Variants in TRIOBP observed in about 807,000 individuals in gnomAD.
TRIOBP encodes TRIO and F-actin-binding protein.
Under a neutral mutation model 238.8 loss-of-function variants are expected in TRIOBP, and 169 were observed. The ratio of observed to expected loss-of-function variants is 0.71; its 90% CI spans 0.62 to 0.80. The LOEUF (loss-of-function observed/expected upper bound fraction) is 0.80, where lower values mean the gene tolerates loss of function less well. Among genes scored for constraint, TRIOBP ranks in the 30% least tolerant of loss-of-function variants. TRIOBP has a pLI of 0.00. For synonymous variants in TRIOBP, 1,150 were observed against 1,274.4 expected (o/e 0.90, Z 2.08); for missense variants, 2,838 against 3,122.6 (o/e 0.91, Z 2.17).
At chr22:37,716,726 T>G (rs1601625492) in intron 6 of TRIOBP, among the ~76,000 whole-genome samples, 1 of 152,200 alleles carries the variant, frequency 6.6e-6, no homozygotes, top group East Asian at 1.9e-4. Context: ...CTCTAAATAG[T>G]AGGGAGCCAC....
Position 37,776,138 on chromosome 22 carries a change from C to G in TRIOBP, c.*2358C>G, listed in dbSNP as rs1207030174. ...CTGGGTTGCAGGAACATCCTCTTCACCAACCCCCCTCCCATCCCTCCTCAG... is the reference window on the plus strand; with the variant it reads ...CTGGGTTGCAGGAACATCCTCTTCAGCAACCCCCCTCCCATCCCTCCTCAG... On this transcript the variant is annotated 3_prime_UTR_variant, in exon 24 of 24. Coordinates refer to ENST00000644935, the MANE Select transcript of TRIOBP (RefSeq NM_001039141.3). 6.6e-6 allele frequency: 1 copy of G among 152,366 alleles called. No homozygotes were observed. The highest frequency in any genetic ancestry group is 1.5e-5 in the Non-Finnish European group (1 of 68,118). The allele number at this position is 152,366 out of a possible 1,614,324, so 9.4% of individuals were successfully genotyped here.
In TRIOBP at chr22:37,734,533, A is replaced by C. The variant is rs754583599; in HGVS notation, c.4197A>C (p.Ser1399=). The C allele has an allele frequency of 6.2e-7, 1 of 1,601,712 alleles. No individual in the cohort carries two copies. Among genetic ancestry groups the C allele is most frequent in the Non-Finnish European group, 8.5e-7 (1 of 1,174,758 alleles). The change falls in exon 9 of 24, where the codon TCA becomes TCC. Residue 1399 remains serine (S), a synonymous_variant. Coordinates refer to ENST00000644935, the MANE Select transcript of TRIOBP (RefSeq NM_001039141.3). The part of the protein sequence containing the change: ...LQGSPLPPRT[S]ARTPERELRT... ...GGTCCCCGCTGCCCCCCAGGACATC[A>C]GCCAGGACCCCTGAGAGGGAGCTGC... is the stretch of plus-strand genomic sequence containing the variant.
At chr22:37,716,415 G>GTTATTA (rs201450875) in intron 6 of TRIOBP, among the ~76,000 whole-genome samples, 1 of 151,440 alleles carries the variant, frequency 6.6e-6, no homozygotes, top group East Asian at 1.9e-4. Context: ...CGCCTAGCCT[G>GTTATTA]TTATTATTAT....
At position 37,774,902 on chromosome 22, in the gene TRIOBP, C is replaced by G. The variant is rs1485510239; in HGVS notation, c.*1122C>G. On this transcript the variant is annotated 3_prime_UTR_variant, in exon 24 of 24. Coordinates refer to ENST00000644935, the MANE Select transcript of TRIOBP (RefSeq NM_001039141.3). ...ACCATGACCTTGGGCAAGTCACACC[C>G]CTCACTGAGCCTCAGTTTGCTTCTC... The G allele has an allele frequency of 6.6e-6, 1 of 152,310 alleles. No individual in the cohort carries two copies. Among genetic ancestry groups the G allele is most frequent in the African/African-American group, 2.4e-5 (1 of 41,450 alleles). 9.4% of individuals were successfully genotyped at this position (152,310 alleles called of 1,614,324 possible).
At chr22:37,703,649 CA>C (rs201647864) in intron 3 of TRIOBP, among the ~76,000 whole-genome samples, 1,649 of 151,786 alleles carry the variant, frequency 0.011, 34 homozygotes, top group African/African-American at 0.038. Flanking sequence ...GGACAACAGG[CA>C]CCCGGCACCA....
Position 37,734,875 on chromosome 22 carries a change from G to T in TRIOBP, c.4539G>T (p.Thr1513=), listed in dbSNP as rs758734711. Residue 1513 remains threonine (T), a synonymous_variant, in exon 9 of 24, where the codon ACG becomes ACT. Coordinates refer to ENST00000644935, the MANE Select transcript of TRIOBP (RefSeq NM_001039141.3). The part of the protein sequence containing the change: ...PRELGKRSPL[T]SPPENWGGPA... ...AACTAGGAAAGAGAAGCCCACTCAC[G>T]AGCCCCCCTGAGAACTGGGGAGGCC... is the stretch of plus-strand genomic sequence containing the variant. The T allele has an allele frequency of 1.2e-6, 2 of 1,613,066 alleles. No individual in the cohort carries two copies. Among genetic ancestry groups the T allele is most frequent in the East Asian group, 4.5e-5 (2 of 44,884 alleles).
chr22:37,733,981 G>A (rs368604943), intron 8 of TRIOBP, among the ~76,000 whole-genome samples: 1 of 152,200 alleles, frequency 6.6e-6, no homozygotes, highest in African/African-American at 2.4e-5. Flanking sequence ...CTGCTGTCTT[G>A]AGCAGATTTC....
At chr22:37,767,312 A>AAG (rs1926553142) in intron 18 of TRIOBP, among the ~76,000 whole-genome samples, 1 of 150,370 alleles carries the variant, frequency 6.7e-6, no homozygotes, top group South Asian at 2.1e-4. Flanking sequence ...CTCAAAAAAA[A>AAG]AAAGAAAGAA....
In TRIOBP at chr22:37,754,986, T is replaced by A; in HGVS notation, c.5487+2T>A. On this transcript the variant is annotated splice_donor_variant, in intron 13 of 23. Coordinates refer to ENST00000644935, the MANE Select transcript of TRIOBP (RefSeq NM_001039141.3). LOFTEE classifies it high-confidence loss of function. Reference sequence around the variant, plus strand: ...TACAGAGACTCCACTGCTGAGGAGGTGAGGCCATGGGTGTACTGATGAACC... The same window carrying A: ...TACAGAGACTCCACTGCTGAGGAGGAGAGGCCATGGGTGTACTGATGAACC... The A allele has an allele frequency of 6.2e-7, 1 of 1,613,846 alleles. No homozygotes were observed. The highest frequency in any genetic ancestry group is 8.5e-7 in the Non-Finnish European group (1 of 1,179,894).
chr22:37,757,479 CG>C (rs1925989618), intron 15 of TRIOBP, 133 bp from the exon 16 acceptor site: 1 of 1,231,626 alleles, frequency 8.1e-7, no homozygotes, highest in Non-Finnish European at 1.1e-6. Flanking sequence ...AAGCTCAGGT[CG>C]GGCTGCTTCC....
In TRIOBP at chr22:37,746,452, G is replaced by T. The variant is rs1925276118; in HGVS notation, c.5323-5320G>T. ...GCCCCAGTCAGCCGCCCGCGCCCGA[G>T]GCCGGGAGAAGGGCGACGACCCGAG... is the stretch of plus-strand genomic sequence containing the variant. On this transcript the variant is annotated intron_variant, in intron 11 of 23. Coordinates refer to ENST00000644935, the MANE Select transcript of TRIOBP (RefSeq NM_001039141.3). 6.3e-6 allele frequency: 9 copies of T among 1,420,156 alleles called. No homozygotes were observed. In the East Asian group the frequency reaches 9.2e-5, roughly 14 times the overall value. The allele number at this position is 1,420,156 out of a possible 1,614,324, so 88.0% of individuals were successfully genotyped here.
In TRIOBP at chr22:37,742,654, G is replaced by A. The variant is rs541525788; in HGVS notation, c.5322+1622G>A. 3.9e-5 allele frequency among the ~76,000 whole-genome samples: 6 copies of A among 152,270 alleles called. No homozygotes were observed. In the East Asian group the frequency reaches 1.2e-3, roughly 29 times the overall value. On this transcript the variant is annotated intron_variant, in intron 11 of 23. Transcript: ENST00000644935. ...GAGTAGTGTGGTACCTTTAAGCCAT[G>A]GGCAGGAATTACCTTGTCTAACTAA...
Position 37,725,064 on chromosome 22 carries a change from C to G in TRIOBP, c.2508C>G (p.Thr836=). The change falls in exon 7 of 24, where the codon ACC becomes ACG. Residue 836 remains threonine (T), a synonymous_variant. Coordinates refer to ENST00000644935, the MANE Select transcript of TRIOBP (RefSeq NM_001039141.3). The part of the protein sequence containing the change: ...SSSTQQDNPK[T]SCTKRDNLRP... The stretch of plus-strand genomic sequence containing the variant: ...CTACCCAACAAGACAACCCTAAAAC[C>G]TCTTGTACCAAACGAGATAACCTCA... 1.2e-6 allele frequency: 2 copies of G among 1,614,210 alleles called. No individual in the cohort carries two copies. Among genetic ancestry groups the G allele is most frequent in the Non-Finnish European group, 1.7e-6 (2 of 1,180,040 alleles).
intron 15 of TRIOBP, among the ~76,000 whole-genome samples, chr22:37,757,400 G>A (rs1251198882): frequency 7.2e-5 from 11 of 152,088 alleles, no homozygotes; most frequent in Non-Finnish European, 1.2e-4. Context: ...GAGGGAAGCC[G>A]GGCATCCTGG....
chr22:37,746,139 C>T, intron 11 of TRIOBP: 4 of 1,006,296 alleles, frequency 4.0e-6, no homozygotes, highest in East Asian at 8.5e-5. Flanking sequence ...TTCCATTGGC[C>T]CGCCGCGGCC....
intron 17 of TRIOBP, among the ~76,000 whole-genome samples, chr22:37,762,347 T>C (rs1034522769): frequency 2.0e-5 from 3 of 152,216 alleles, no homozygotes; most frequent in Non-Finnish European, 4.4e-5. Flanking sequence ...GGTACAAGTG[T>C]GACCACTGCA....
At chr22:37,718,359 G>T (rs1057371008) in intron 6 of TRIOBP, among the ~76,000 whole-genome samples, 1 of 152,248 alleles carries the variant, frequency 6.6e-6, no homozygotes, top group Non-Finnish European at 1.5e-5. Context: ...GAGGCGCCGA[G>T]AGTGAGCGAG....
chr22:37,770,513 G>A (rs1044937709), intron 21 of TRIOBP, among the ~76,000 whole-genome samples: 8 of 151,630 alleles, frequency 5.3e-5, no homozygotes, highest in Admixed American at 1.3e-4. Context: ...AAGTAGCTAG[G>A]ATTACAGGCA....
chr22:37,715,239 T>C (rs990938580), intron 5 of TRIOBP, among the ~76,000 whole-genome samples: 1 of 152,162 alleles, frequency 6.6e-6, no homozygotes, highest in Non-Finnish European at 1.5e-5. Flanking sequence ...GGTTTCGAAC[T>C]CCTGCCCTCA....
Sources: gnomAD v4.1 joint callset for allele counts (sites outside exome capture counted in the v4.1 genomes callset) on GRCh38, gnomAD v4.1.1 for gene constraint, MANE v1.5 for transcripts, NCBI Gene and HGNC (gene_info 2026-07-23, HGNC 2026-07-21) for gene names.